Variants in CNTNAP1 observed in about 807,000 individuals in gnomAD.
CNTNAP1 encodes contactin-associated protein 1.
A neutral mutation model predicts 161.5 loss-of-function variants in CNTNAP1; 80 were observed. That is an observed-to-expected ratio of 0.50 (90% CI 0.41 to 0.60). The LOEUF is 0.60. Among genes scored for constraint, CNTNAP1 ranks in the 20% least tolerant of loss-of-function variants. The pLI is 0.00. For missense variants in CNTNAP1, 1,464 were observed against 1,854.8 expected (o/e 0.79, Z 3.87); for synonymous variants, 695 against 733.1 (o/e 0.95, Z 0.84).
rs2052992543 is a variant in CNTNAP1 at position 42,685,367 on chromosome 17, A to G, written c.662A>G (p.Asp221Gly). 2 of 1,607,720 alleles carry G rather than the reference A, an allele frequency of 1.2e-6. No homozygotes were observed. Among genetic ancestry groups the G allele is most frequent in the East Asian group, 2.2e-5 (1 of 44,888 alleles). ...CTGCACGCCGAGGGCGCCCAGGGCG[A>G]CTACGTGACGCTCGAGCTGGAGGGG... ...LLLHAEGAQG[D>G]YVTLELEGAH... Residue 221 changes from aspartate to glycine, a missense_variant, in exon 5 of 24, where the codon GAC (aspartate) becomes GGC (glycine). Transcript: ENST00000264638. This position sits in a 1 kb window ranked among gnomAD's most constrained non-coding sequence, Gnocchi z 5.0.
chr17:42,683,034 GCCTCT>G, intron 1 of CNTNAP1, 138 bp downstream of exon 1: 1 of 810,884 alleles, frequency 1.2e-6, no homozygotes, highest in South Asian at 1.8e-5. Context: ...ATCTTTTCCT[GCCTCT>G]CCCCCGCGCT....
At position 42,690,925 on chromosome 17, in the gene CNTNAP1, G is replaced by A. The variant is rs2053078290; in HGVS notation, c.2042G>A (p.Arg681Gln). Residue 681 changes from arginine to glutamine, a missense_variant, in exon 13 of 24, where the codon CGG (arginine) becomes CAG (glutamine). Arg to Gln is a conservative substitution (Grantham distance 43). Transcript: ENST00000264638. Reference sequence around the variant, plus strand: ...ATCGAGTTCTCCTGCTACAATTCCCGGCTGCTCAACACTGCAGGTTAGGGC... The same window carrying A: ...ATCGAGTTCTCCTGCTACAATTCCCAGCTGCTCAACACTGCAGGTTAGGGC... ...QWIEFSCYNSRLLNTAGGYPY... is the reference protein window; with the variant it reads ...QWIEFSCYNSQLLNTAGGYPY... 5.6e-6 allele frequency: 9 copies of A among 1,614,168 alleles called. No individual in the cohort carries two copies. The highest frequency in any genetic ancestry group is 2.2e-5 in the East Asian group (1 of 44,892).
chr17:42,686,469 GTTTT>G (rs748366958), intron 6 of CNTNAP1, among the ~76,000 whole-genome samples: 2 of 71,362 alleles, frequency 2.8e-5, no homozygotes, highest in Non-Finnish European at 2.6e-5. Context: ...AAAAAGGCCT[GTTTT>G]TTTTTTTTTT....
chr17:42,689,457 G>A (rs921106473), intron 10 of CNTNAP1, 64 bp from the exon 11 acceptor site: 42 of 1,294,016 alleles, frequency 3.2e-5, no homozygotes, highest in Non-Finnish European at 4.4e-5. Context: ...AAGCTTGCAG[G>A]GATCAGACCC....
At position 42,685,205 on chromosome 17, in the gene CNTNAP1, T is replaced by A. The variant is rs747572457; in HGVS notation, c.512-12T>A. ...TCCCCAGTTCCCGGCCCACCTACGG[T>A]CCTTTGCGCAGAGGCCGACATACTC... On this transcript the variant is annotated splice_polypyrimidine_tract_variant and intron_variant, in intron 4 of 23. Coordinates refer to ENST00000264638, the MANE Select transcript of CNTNAP1 (RefSeq NM_003632.3). The surrounding 1 kb of genome is among the most constrained non-coding windows in gnomAD (Gnocchi z 5.0). 6.2e-6 allele frequency: 10 copies of A among 1,613,212 alleles called. No homozygotes were observed. The highest frequency in any genetic ancestry group is 8.5e-6 in the Non-Finnish European group (10 of 1,179,842).
At chr17:42,698,318 A>C (rs1485499799) in intron 23 of CNTNAP1, among the ~76,000 whole-genome samples, 2 of 152,244 alleles carry the variant, frequency 1.3e-5, no homozygotes, top group African/African-American at 4.8e-5. Flanking sequence ...ATGTGGAAAG[A>C]GAATATTAGA....
chr17:42,690,815 A>G lies in CNTNAP1; in HGVS notation c.1932A>G (p.Pro644=), dbSNP rs747293992. 2 of 1,614,102 alleles carry G rather than the reference A, an allele frequency of 1.2e-6. No individual in the cohort carries two copies. Among genetic ancestry groups the G allele is most frequent in the African/African-American group, 2.7e-5 (2 of 74,934 alleles). Residue 644 remains proline (P), a synonymous_variant, in exon 13 of 24, where the codon CCA becomes CCG. Transcript: ENST00000264638. ...TRVTGSSMER[P]FLGAIQYWNA... ...TGACAGGTTCCAGCATGGAGCGGCC[A>G]TTCCTGGGGGCTATCCAGTACTGGA... is the stretch of plus-strand genomic sequence containing the variant.
At chr17:42,694,420 C>T (rs1399002579) in intron 18 of CNTNAP1, among the ~76,000 whole-genome samples, 4 of 152,108 alleles carry the variant, frequency 2.6e-5, no homozygotes, top group Non-Finnish European at 4.4e-5. Flanking sequence ...GATCCACCCA[C>T]CTTGGCCTCC....
rs2143649604 is a variant in CNTNAP1 at position 42,685,867 on chromosome 17, C to T, written c.716-90C>T. The stretch of plus-strand genomic sequence containing the variant: ...GCCCACTCTCCCTGATTGCCCTGGG[C>T]TTTGTTACACGCTGCTGCTCTGCCT... On this transcript the variant is annotated intron_variant, in intron 5 of 23. Transcript: ENST00000264638. This position sits in a 1 kb window ranked among gnomAD's most constrained non-coding sequence, Gnocchi z 5.0. 2.1e-6 allele frequency: 3 copies of T among 1,398,416 alleles called. No individual in the cohort carries two copies. Among genetic ancestry groups the T allele is most frequent in the East Asian group, 2.3e-5 (1 of 43,316 alleles). The allele number at this position is 1,398,416 out of a possible 1,614,324, so 86.6% of individuals were successfully genotyped here.
At position 42,695,842 on chromosome 17, in the gene CNTNAP1, G is replaced by C; in HGVS notation, c.3314G>C (p.Arg1105Pro). 1 of 1,614,028 alleles carries C rather than the reference G, an allele frequency of 6.2e-7. No individual in the cohort carries two copies. The highest frequency in any genetic ancestry group is 2.2e-5 in the East Asian group (1 of 44,888). ...CTGCTCTACGTCAGTTCCTTTGTTC[G>C]TGACTACATGGCTGTGCTCATCAAG... ...AVLLYVSSFV[R>P]DYMAVLIKDD... The change falls in exon 19 of 24, where the codon CGT (arginine) becomes CCT (proline). Residue 1105 changes from arginine (R) to proline (P), a missense_variant. Coordinates refer to ENST00000264638, the MANE Select transcript of CNTNAP1 (RefSeq NM_003632.3).
chr17:42,697,311 T>C lies in CNTNAP1; in HGVS notation c.3512T>C (p.Leu1171Pro). The stretch of plus-strand genomic sequence containing the variant: ...CCACTGACAGAGCAGAAGTTCTCGC[T>C]GTTGGTGGACAGCCAGTTGGACTCA... ...YFPLTEQKFSLLVDSQLDSPK... is the reference protein window; with the variant it reads ...YFPLTEQKFSPLVDSQLDSPK... The change falls in exon 21 of 24, where the codon CTG becomes CCG. Residue 1171 changes from leucine (L) to proline (P), a missense_variant. Leu to Pro is a moderately conservative substitution (Grantham distance 98). Coordinates refer to ENST00000264638, the MANE Select transcript of CNTNAP1 (RefSeq NM_003632.3). The C allele has an allele frequency of 6.2e-7, 1 of 1,613,110 alleles. No homozygotes were observed. Among genetic ancestry groups the C allele is most frequent in the East Asian group, 2.2e-5 (1 of 44,792 alleles).
intron 20 of CNTNAP1, 149 bp from the exon 21 acceptor site, chr17:42,697,125 T>A: frequency 1.1e-5 from 7 of 649,634 alleles, no homozygotes. Flanking sequence ...CTCACCCAGC[T>A]GGCACCGCCA....
At chr17:42,693,601 G>A in intron 18 of CNTNAP1, 65 bp downstream of exon 18, 1 of 1,579,322 alleles carries the variant, frequency 6.3e-7, no homozygotes. Context: ...GGGAGGGCAG[G>A]GAAGGAAATA....
At position 42,691,846 on chromosome 17, in the gene CNTNAP1, A is replaced by G. The variant is rs2053090346; in HGVS notation, c.2385A>G (p.Ala795=). The change falls in exon 16 of 24, where the codon GCA becomes GCG. Residue 795 remains alanine, a synonymous_variant. Coordinates refer to ENST00000264638, the MANE Select transcript of CNTNAP1 (RefSeq NM_003632.3). This position sits in a 1 kb window ranked among gnomAD's most constrained non-coding sequence, Gnocchi z 4.3. ...WNTISFHTGA[A]LRFPPIRANH... ...CCATTTCCTTCCACACCGGGGCTGC[A>G]CTACGCTTCCCCCCAATCCGTGCCA... The G allele has an allele frequency of 6.2e-7, 1 of 1,613,908 alleles. No individual in the cohort carries two copies. Among genetic ancestry groups the G allele is most frequent in the African/African-American group, 1.3e-5 (1 of 74,858 alleles).
In CNTNAP1 at chr17:42,697,976, A is replaced by T. The variant is rs908872095; in HGVS notation, c.3862+26A>T. On this transcript the variant is annotated intron_variant, in intron 23 of 23. Transcript: ENST00000264638. ...GTGAGTAGCACTGATCACTAAGCTG[A>T]CCTCCCAAGACTACCCTCTGACTGT... 7 of 1,612,920 alleles carry T rather than the reference A, an allele frequency of 4.3e-6. No homozygotes were observed. In the African/African-American group the frequency reaches 9.4e-5, roughly 22 times the overall value.
chr17:42,685,526 T>C lies in CNTNAP1; in HGVS notation c.715+106T>C, dbSNP rs1301817555. The C allele has an allele frequency of 9.0e-6, 10 of 1,111,164 alleles. No homozygotes were observed. Among genetic ancestry groups the C allele is most frequent in the Non-Finnish European group, 1.3e-5 (10 of 781,296 alleles). The allele number at this position is 1,111,164 out of a possible 1,614,324, so 68.8% of individuals were successfully genotyped here. On this transcript the variant is annotated intron_variant, in intron 5 of 23. Coordinates refer to ENST00000264638, the MANE Select transcript of CNTNAP1 (RefSeq NM_003632.3). This position sits in a 1 kb window ranked among gnomAD's most constrained non-coding sequence, Gnocchi z 5.0. ...ATCCGCGCTCAGCCTGGTCTTCCACTTCTCTAAGGCCTGGACCAAACTGCC... is the reference window on the plus strand; with the variant it reads ...ATCCGCGCTCAGCCTGGTCTTCCACCTCTCTAAGGCCTGGACCAAACTGCC...
intron 11 of CNTNAP1, 69 bp from the exon 12 acceptor site, chr17:42,690,019 C>A: frequency 6.4e-7 from 1 of 1,561,596 alleles, no homozygotes; most frequent in South Asian, 1.1e-5. Flanking sequence ...GGATTACAGG[C>A]CCGAGCCGCC....
chr17:42,683,756 G>A, intron 1 of CNTNAP1, 65 bp from the exon 2 acceptor site: 4 of 1,555,252 alleles, frequency 2.6e-6, no homozygotes, highest in Non-Finnish European at 3.5e-6. Flanking sequence ...GTCGCTAAGT[G>A]GGCCGGCCTT....
In CNTNAP1 at chr17:42,685,822, C is replaced by A; in HGVS notation, c.716-135C>A. The A allele has an allele frequency of 1.1e-6, 1 of 893,714 alleles. No homozygotes were observed. The highest frequency in any genetic ancestry group is 1.7e-6 in the Non-Finnish European group (1 of 591,926). The allele number at this position is 893,714 out of a possible 1,614,324, so 55.4% of individuals were successfully genotyped here. ...ATGGCTTACCCTGTCACACACTCGC[C>A]AATGGCTGTTGATCTATTCGCCCAC... On this transcript the variant is annotated intron_variant, in intron 5 of 23. Transcript: ENST00000264638. The surrounding 1 kb of genome is among the most constrained non-coding windows in gnomAD (Gnocchi z 5.0).
Sources: gnomAD v4.1 joint callset for allele counts (sites outside exome capture counted in the v4.1 genomes callset) on GRCh38, gnomAD v4.1.1 for gene constraint, Gnocchi (gnomAD v3.1) non-coding constraint, MANE v1.5 for transcripts, NCBI Gene and HGNC (gene_info 2026-07-23, HGNC 2026-07-21) for gene names.